The following ALPK1 variants were observed in gnomAD, a reference collection of about 807,000 sequenced individuals.
The protein encoded by ALPK1 is alpha-protein kinase 1.
A neutral mutation model predicts 120.6 loss-of-function variants in ALPK1; 110 were observed. The observed-to-expected ratio is 0.91, with a 90% CI of 0.78 to 1.07. The LOEUF (loss-of-function observed/expected upper bound fraction) is 1.07, where lower values mean the gene tolerates loss of function less well. ALPK1 is among the 50% of genes least tolerant of loss of function. ALPK1 has a pLI of 0.00. For synonymous variants in ALPK1, 582 were observed against 560.3 expected, an observed-to-expected ratio of 1.04 and a Z score of -0.55; for missense variants, 1,498 against 1,483.9, an observed-to-expected ratio of 1.01 and a Z score of -0.16.
At chr4:112,298,133 CA>C (rs1315482742) in intron 1 of ALPK1, among the ~76,000 whole-genome samples, 1 of 152,064 alleles carries the variant, frequency 6.6e-6, no homozygotes, top group Non-Finnish European at 1.5e-5. Context: ...TGAAAAGCCA[CA>C]AATTAAAACC....
chr4:112,377,996 C>G, intron 3 of ALPK1, 98 bp downstream of exon 3: 2 of 1,246,854 alleles, frequency 1.6e-6, no homozygotes, highest in African/African-American at 3.5e-5. Flanking sequence ...TATTTTTCTT[C>G]TCTTGGCAGA....
Position 112,382,387 on chromosome 4 carries a change from G to A in ALPK1, c.122-11G>A. The A allele has an allele frequency of 1.3e-6, 2 of 1,583,752 alleles. No homozygotes were observed. Among genetic ancestry groups the A allele is most frequent in the Non-Finnish European group, 1.7e-6 (2 of 1,164,108 alleles). On this transcript the variant is annotated splice_polypyrimidine_tract_variant and intron_variant, in intron 3 of 15. Transcript: ENST00000650871. ...ACTGCAATTTCCTTACCTGAACTCT[G>A]ACCTTTTCAGCTTTACTCCCCAGCG...
intron 2 of ALPK1, among the ~76,000 whole-genome samples, chr4:112,326,970 C>T (rs536243241): frequency 6.6e-6 from 1 of 152,314 alleles, no homozygotes; most frequent in African/African-American, 2.4e-5. Context: ...TGCATTTCTG[C>T]CTGTACCCTC....
At chr4:112,387,660 G>T (rs1056352074) in intron 4 of ALPK1, among the ~76,000 whole-genome samples, 1 of 152,166 alleles carries the variant, frequency 6.6e-6, no homozygotes, top group Admixed American at 6.5e-5. Flanking sequence ...TGGTGCCCTG[G>T]AGTGATTTGA....
intron 4 of ALPK1, among the ~76,000 whole-genome samples, chr4:112,409,815 A>T (rs1733370484): frequency 6.6e-6 from 1 of 152,182 alleles, no homozygotes; most frequent in South Asian, 2.1e-4. Flanking sequence ...CTTCCGTCAC[A>T]TGGAAGGAAA....
intron 2 of ALPK1, among the ~76,000 whole-genome samples, chr4:112,343,758 C>T (rs1363334905): frequency 7.2e-6 from 1 of 138,898 alleles, no homozygotes; most frequent in Non-Finnish European, 1.6e-5. Context: ...CCCCCTTCTC[C>T]CCCCTACCCC....
chr4:112,365,099 C>T (rs1210508437), intron 2 of ALPK1, among the ~76,000 whole-genome samples: 1 of 152,116 alleles, frequency 6.6e-6, no homozygotes, highest in African/African-American at 2.4e-5. Context: ...CAGTCAACAT[C>T]ATACTGAATG....
rs193038858 is a variant in ALPK1, at chr4:112,307,166, T to C, written c.-152-8635T>C. ...TACATTTGCTGAGGCTTGCTTTACT[T>C]CCAACTATGTGGTCAGTTTTGGAAT... On this transcript the variant is annotated intron_variant, in intron 1 of 15. Coordinates refer to ENST00000650871, the MANE Select transcript of ALPK1 (RefSeq NM_025144.4). 3.9e-5 allele frequency among the ~76,000 whole-genome samples: 6 copies of C among 152,238 alleles called. No individual in the cohort carries two copies. In the East Asian group the frequency reaches 1.2e-3, roughly 29 times the overall value.
At chr4:112,394,093 G>T (rs1001178107) in intron 4 of ALPK1, among the ~76,000 whole-genome samples, 2 of 152,132 alleles carry the variant, frequency 1.3e-5, no homozygotes, top group Non-Finnish European at 2.9e-5. Flanking sequence ...ATGAGAAGAG[G>T]CTCACCAAGT....
intron 4 of ALPK1, among the ~76,000 whole-genome samples, chr4:112,398,956 A>C (rs1000256802): frequency 6.6e-5 from 10 of 152,240 alleles, no homozygotes; most frequent in African/African-American, 2.2e-4. Context: ...TCACTACAGA[A>C]ACAGAGAACA....
chr4:112,326,674 T>G (rs1337772807), intron 2 of ALPK1, among the ~76,000 whole-genome samples: 1 of 152,212 alleles, frequency 6.6e-6, no homozygotes, highest in Admixed American at 6.5e-5. Flanking sequence ...GTCTTTAATT[T>G]CCTAATGGTC....
intron 2 of ALPK1, among the ~76,000 whole-genome samples, chr4:112,331,277 G>T (rs1729357158): frequency 2.0e-5 from 3 of 152,144 alleles, no homozygotes; most frequent in South Asian, 4.1e-4. Flanking sequence ...TTATTGAGAG[G>T]GTGTCTTCTG....
At chr4:112,315,662 G>A (rs1441463387) in intron 1 of ALPK1, 139 bp from the exon 2 acceptor site, 2 of 152,158 alleles carry the variant, frequency 1.3e-5, no homozygotes, top group African/African-American at 4.8e-5. Flanking sequence ...TGCAACTCAG[G>A]AACTTGATCT....
At chr4:112,430,311 T>A (rs1483729920) in intron 10 of ALPK1, 137 bp from the exon 11 acceptor site, 1 of 869,082 alleles carries the variant, frequency 1.2e-6, no homozygotes, top group African/African-American at 1.7e-5. Flanking sequence ...CCTGTATATT[T>A]TCCTTAGAAT....
chr4:112,378,402 T>C (rs188930202), intron 3 of ALPK1, among the ~76,000 whole-genome samples: 2 of 152,344 alleles, frequency 1.3e-5, no homozygotes, highest in East Asian at 1.9e-4. Context: ...AATTCTCTCA[T>C]CTCGATAAAT....
At chr4:112,405,780 T>G (rs1448499306) in intron 4 of ALPK1, among the ~76,000 whole-genome samples, 2 of 152,142 alleles carry the variant, frequency 1.3e-5, no homozygotes, top group Non-Finnish European at 2.9e-5. Context: ...TTTCACTACG[T>G]TGGCCAGGCT....
intron 5 of ALPK1, among the ~76,000 whole-genome samples, chr4:112,422,166 C>G (rs1192502992): frequency 6.6e-6 from 1 of 152,204 alleles, no homozygotes; most frequent in Non-Finnish European, 1.5e-5. Flanking sequence ...CATCACGCTA[C>G]TCAGAACGGC....
intron 2 of ALPK1, among the ~76,000 whole-genome samples, chr4:112,374,201 C>T (rs1474695710): frequency 6.6e-6 from 1 of 152,238 alleles, no homozygotes; most frequent in Admixed American, 6.5e-5. Context: ...TAATATTCTA[C>T]ATGGTTTGTT....
chr4:112,386,604 T>G (rs955335716), intron 4 of ALPK1, among the ~76,000 whole-genome samples: 4 of 152,176 alleles, frequency 2.6e-5, no homozygotes, highest in South Asian at 2.1e-4. Flanking sequence ...AGCAACACCC[T>G]CAAGTCCATG....
Sources: gnomAD v4.1 joint callset for allele counts (sites outside exome capture counted in the v4.1 genomes callset) on GRCh38, gnomAD v4.1.1 for gene constraint, MANE v1.5 for transcripts, NCBI Gene and HGNC (gene_info 2026-07-23, HGNC 2026-07-21) for gene names.